Variants in NALF1 observed in about 807,000 individuals in gnomAD.
The protein encoded by NALF1 is NALCN channel auxiliary factor 1, also known as family with sequence similarity 155 member A.
In NALF1, 3 loss-of-function variants were observed where a neutral mutation model predicts 48.4. That is an observed-to-expected ratio of 0.06 (90% CI 0.03 to 0.16). NALF1 has a LOEUF of 0.16. Ranked by LOEUF, NALF1 falls within the 10% of genes least tolerant of loss-of-function variation. The probability of loss-of-function intolerance (pLI) is 1.00; values close to 1 mark genes in which losing one functional copy is unlikely to be tolerated. For missense variants in NALF1, 526 were observed against 571.5 expected (o/e 0.92, Z 0.81); for synonymous variants, 262 against 245.7 (o/e 1.07, Z -0.62).
At chr13:107,219,232 T>C (rs2138813462) in intron 1 of NALF1, among the ~76,000 whole-genome samples, 1 of 151,742 alleles carries the variant, frequency 6.6e-6, no homozygotes, top group South Asian at 2.1e-4. Flanking sequence ...TTTTGTGGAC[T>C]CTCAGCCAAC....
intron 1 of NALF1, among the ~76,000 whole-genome samples, chr13:107,776,633 G>C (rs149072899): frequency 1.8e-4 from 27 of 152,264 alleles, no homozygotes; most frequent in African/African-American, 6.0e-4. Flanking sequence ...AATCATGATA[G>C]ATCTTATGAA....
chr13:107,771,248 T>TTGTGTGTGTGTGTG (rs147526327), intron 1 of NALF1, among the ~76,000 whole-genome samples: 3,402 of 150,990 alleles, frequency 0.023, 105 homozygotes, highest in African/African-American at 0.07. Flanking sequence ...TTTTAACATG[T>TTGTGTGTGTGTGTG]TGTGTGTGTG....
chr13:107,432,508 G>A (rs1884398997), intron 1 of NALF1, among the ~76,000 whole-genome samples: 1 of 152,130 alleles, frequency 6.6e-6, no homozygotes. Context: ...CTCCAGGGCA[G>A]GACCTAAGCA....
chr13:107,253,179 T>G (rs1284515861), intron 1 of NALF1, among the ~76,000 whole-genome samples: 1 of 129,838 alleles, frequency 7.7e-6, no homozygotes, highest in Non-Finnish European at 1.6e-5. Context: ...CTTTCTTTTT[T>G]TTTTTTTTTG....
At chr13:107,325,031 C>G (rs1882325518) in intron 1 of NALF1, among the ~76,000 whole-genome samples, 2 of 152,150 alleles carry the variant, frequency 1.3e-5, no homozygotes, top group African/African-American at 4.8e-5. Flanking sequence ...GCAATCCACT[C>G]CCTCCTGCCA....
Position 107,184,053 on chromosome 13 carries a change from C to T in NALF1, c.1088-13267G>A, listed in dbSNP as rs373618709. Among the ~76,000 whole-genome samples the T allele has an allele frequency of 9.6e-4, 146 of 151,314 alleles. 1 individual carries two copies. Among genetic ancestry groups the T allele is most frequent in the African/African-American group, 3.4e-3 (140 of 41,226 alleles). Reference sequence around the variant, plus strand: ...AGTGCAGTGGCATGATCATGGCTCACGGCAACCTCTGCCTCTCAGGTTCAA... The same window carrying T: ...AGTGCAGTGGCATGATCATGGCTCATGGCAACCTCTGCCTCTCAGGTTCAA... On this transcript the variant is annotated intron_variant, in intron 2 of 2. Coordinates refer to ENST00000375915, the MANE Select transcript of NALF1 (RefSeq NM_001080396.3).
intron 1 of NALF1, among the ~76,000 whole-genome samples, chr13:107,530,035 C>T (rs890433757): frequency 1.3e-5 from 2 of 152,068 alleles, no homozygotes; most frequent in East Asian, 1.9e-4. Flanking sequence ...CTATAGCTAA[C>T]TCATGCCTTC....
At chr13:107,197,716 C>T (rs575931364) in intron 2 of NALF1, among the ~76,000 whole-genome samples, 56 of 152,274 alleles carry the variant, frequency 3.7e-4, no homozygotes, top group Admixed American at 7.8e-4. Context: ...TGTGATTTTA[C>T]GTGAGGAATT....
chr13:107,866,759 T>G lies in NALF1; in HGVS notation c.-163A>C. The G allele has an allele frequency of 1.7e-6, 1 of 598,340 alleles. No homozygotes were observed. Among genetic ancestry groups the G allele is most frequent in the Non-Finnish European group, 2.9e-6 (1 of 340,610 alleles). 37.1% of individuals were successfully genotyped at this position (598,340 alleles called of 1,614,324 possible). A position where few individuals can be genotyped will look rare whatever the true frequency, so the allele number is the denominator to read the frequency against. On this transcript the variant is annotated 5_prime_UTR_variant, in exon 1 of 3. Coordinates refer to ENST00000375915, the MANE Select transcript of NALF1 (RefSeq NM_001080396.3). The surrounding 1 kb of genome is among the most constrained non-coding windows in gnomAD (Gnocchi z 4.4). ...TCTCTTCCCCTCTCCCTCTCTCCTC[T>G]CTCTCTCTCTCCCTCTCCCTCTCTT...
At chr13:107,850,915 G>GAAAAGAAAAAGA (rs1157163526) in intron 1 of NALF1, among the ~76,000 whole-genome samples, 1 of 151,768 alleles carries the variant, frequency 6.6e-6, no homozygotes, top group Non-Finnish European at 1.5e-5. Flanking sequence ...AAAAAAAAAG[G>GAAAAGAAAAAGA]AAAAGAAAAA....
intron 1 of NALF1, among the ~76,000 whole-genome samples, chr13:107,559,626 G>A (rs906998652): frequency 1.3e-5 from 2 of 152,102 alleles, no homozygotes; most frequent in Non-Finnish European, 2.9e-5. Context: ...CATCAGGATA[G>A]ACATTTCTCC....
At chr13:107,211,194 G>T (rs2138805184) in intron 1 of NALF1, among the ~76,000 whole-genome samples, 1 of 152,278 alleles carries the variant, frequency 6.6e-6, no homozygotes, top group African/African-American at 2.4e-5. Flanking sequence ...ACGCTAGATG[G>T]CGCGAAGCAC....
At chr13:107,518,810 C>T (rs973413960) in intron 1 of NALF1, among the ~76,000 whole-genome samples, 2 of 152,116 alleles carry the variant, frequency 1.3e-5, no homozygotes, top group Non-Finnish European at 2.9e-5. Context: ...AATTTGAGAA[C>T]ATCATGGTCA....
chr13:107,284,209 C>T (rs1489636936), intron 1 of NALF1, among the ~76,000 whole-genome samples: 1 of 152,014 alleles, frequency 6.6e-6, no homozygotes, highest in Admixed American at 6.6e-5. Flanking sequence ...CACATATGCC[C>T]AGGGAAGGGC....
At chr13:107,443,341 G>A (rs1017116068) in intron 1 of NALF1, among the ~76,000 whole-genome samples, 4 of 152,026 alleles carry the variant, frequency 2.6e-5, no homozygotes, top group Non-Finnish European at 2.9e-5. Flanking sequence ...TCAGCCTCCC[G>A]AGTAGTACGG....
chr13:107,337,934 A>T (rs895538300), intron 1 of NALF1, among the ~76,000 whole-genome samples: 2 of 152,214 alleles, frequency 1.3e-5, no homozygotes, highest in Admixed American at 6.5e-5. Flanking sequence ...CGTGTCACGC[A>T]AATAACAGCA....
rs1029796111 is a variant in NALF1, at chr13:107,169,173, G to C, written c.*1324C>G. 1.3e-5 allele frequency: 2 copies of C among 152,464 alleles called. No individual in the cohort carries two copies. The highest frequency in any genetic ancestry group is 2.9e-5 in the Non-Finnish European group (2 of 68,038). 9.4% of individuals were successfully genotyped at this position (152,464 alleles called of 1,614,324 possible). On this transcript the variant is annotated 3_prime_UTR_variant, in exon 3 of 3. Coordinates refer to ENST00000375915, the MANE Select transcript of NALF1 (RefSeq NM_001080396.3). ...TTCCTCAACTACCTAGAGCATGTTA[G>C]AGTGATAAAGTTTTTGCACGTTAAT...
chr13:107,602,338 C>T (rs559922293), intron 1 of NALF1, among the ~76,000 whole-genome samples: 1 of 152,226 alleles, frequency 6.6e-6, no homozygotes, highest in East Asian at 1.9e-4. Context: ...AGAGAGAAAA[C>T]ATTGCCTGTT....
In NALF1 at chr13:107,334,753, T is replaced by C. The variant is rs1157586086; in HGVS notation, c.916-123998A>G. Among the ~76,000 whole-genome samples, 8 of 152,182 alleles carry C rather than the reference T, an allele frequency of 5.3e-5. 1 individual carries two copies. The South Asian group carries it at 8.3e-4, about 16-fold the overall frequency. The stretch of plus-strand genomic sequence containing the variant: ...CGTTTTAAATGCTGTTCACACTAAT[T>C]AGAAGCAGTTACTTTTTGGGGGAAA... On this transcript the variant is annotated intron_variant, in intron 1 of 2. Transcript: ENST00000375915.
Sources: gnomAD v4.1 joint callset for allele counts (sites outside exome capture counted in the v4.1 genomes callset) on GRCh38, gnomAD v4.1.1 for gene constraint, Gnocchi (gnomAD v3.1) non-coding constraint, MANE v1.5 for transcripts, NCBI Gene and HGNC (gene_info 2026-07-23, HGNC 2026-07-21) for gene names.